ERAP1: variants seen among roughly 807,000 people sequenced by gnomAD.
The protein encoded by ERAP1 is endoplasmic reticulum aminopeptidase 1.
Under a neutral mutation model 103.7 loss-of-function variants are expected in ERAP1, and 86 were observed. The ratio of observed to expected loss-of-function variants is 0.83; its 90% CI spans 0.70 to 0.99. The LOEUF (loss-of-function observed/expected upper bound fraction) is 0.99, where lower values mean the gene tolerates loss of function less well. ERAP1 is among the 50% of genes least tolerant of loss of function. ERAP1 has a pLI of 0.00. For missense variants in ERAP1, 1,009 were observed against 1,128.4 expected, an observed-to-expected ratio of 0.89 and a Z score of 1.52; for synonymous variants, 398 against 402.4, an observed-to-expected ratio of 0.99 and a Z score of 0.13.
chr5:96,860,199 G>A, the ERAP1 span, among the ~76,000 whole-genome samples: 7 of 152,122 alleles, frequency 4.6e-5, no homozygotes, highest in East Asian at 1.9e-4. Context: ...GATTACAGGC[G>A]TGTGCCACTA....
At chr5:96,916,045 A>G in the ERAP1 span, among the ~76,000 whole-genome samples, 1 of 151,980 alleles carries the variant, frequency 6.6e-6, no homozygotes, top group Non-Finnish European at 1.5e-5. Context: ...ATATGGTGAA[A>G]CCCTGTCTCT....
chr5:96,820,537 A>C, the ERAP1 span, among the ~76,000 whole-genome samples: 8 of 152,176 alleles, frequency 5.3e-5, no homozygotes, highest in Admixed American at 4.6e-4. Context: ...AGTTTTCCTT[A>C]AACTGTTGAG....
At chr5:96,784,152 T>G in intron 13 of ERAP1, 72 bp from the exon 14 acceptor site, 1 of 1,482,452 alleles carries the variant, frequency 6.7e-7, no homozygotes. Flanking sequence ...TCAAAATATA[T>G]TTTAATCTTC....
At chr5:96,934,024 G>C in the ERAP1 span, 1 of 152,236 alleles carries the variant, frequency 6.6e-6, no homozygotes, top group East Asian at 1.9e-4. Flanking sequence ...ATTCAGTATG[G>C]AGTCATTAAC....
chr5:96,931,157 C>CT, the ERAP1 span, among the ~76,000 whole-genome samples: 1,177 of 142,800 alleles, frequency 8.2e-3, 5 homozygotes, highest in African/African-American at 0.025. Flanking sequence ...TCTGGGAAAT[C>CT]TTTTTTTTTT....
the ERAP1 span, chr5:96,889,271 G>A: frequency 6.2e-7 from 1 of 1,613,968 alleles, no homozygotes; most frequent in Non-Finnish European, 8.5e-7. Context: ...TTTATGAAAA[G>A]TACTTTGATA....
the ERAP1 span, among the ~76,000 whole-genome samples, chr5:96,916,779 T>TA: frequency 5.3e-5 from 8 of 150,142 alleles, no homozygotes; most frequent in Non-Finnish European, 1.2e-4. Context: ...TTTTTTTTTT[T>TA]AAAGCATTAT....
chr5:96,770,529 A>G, downstream of ERAP1: 1 of 1,608,540 alleles, frequency 6.2e-7, no homozygotes, highest in Non-Finnish European at 8.5e-7. Context: ...CCTTTGCTTT[A>G]GGATAAGTGC....
chr5:96,913,139 G>A, the ERAP1 span, among the ~76,000 whole-genome samples: 1 of 152,126 alleles, frequency 6.6e-6, no homozygotes, highest in South Asian at 2.1e-4. Flanking sequence ...TTTTTGATAG[G>A]AACAAAATAA....
At chr5:96,762,242 C>A in exon 20 of ERAP1, 1 of 1,416,450 alleles carries the variant, frequency 7.1e-7, no homozygotes, top group Admixed American at 1.8e-5. Context: ...TTATATACAA[C>A]ATGTTACTAA....
At chr5:96,886,733 G>C in the ERAP1 span, 1 of 1,541,268 alleles carries the variant, frequency 6.5e-7, no homozygotes. Flanking sequence ...ATACCTTGTA[G>C]CCTACATAGT....
intron 6 of ERAP1, 143 bp from the exon 7 acceptor site, chr5:96,793,656 T>C: frequency 9.3e-7 from 1 of 1,073,232 alleles, no homozygotes; most frequent in Non-Finnish European, 1.4e-6. Context: ...CAACATGCAT[T>C]ATAAGACATA....
At chr5:96,824,827 T>G in the ERAP1 span, among the ~76,000 whole-genome samples, 2 of 152,212 alleles carry the variant, frequency 1.3e-5, no homozygotes, top group African/African-American at 2.4e-5. Context: ...GGCAGGAGGA[T>G]CACTTCAGCC....
At chr5:96,770,234 C>T (rs533459473), downstream of ERAP1, 2 of 345,636 alleles carry the variant, frequency 5.8e-6, no homozygotes, top group East Asian at 1.1e-4. Flanking sequence ...CATTTATTAT[C>T]TATTGACAAG....
At chr5:96,915,642 G>A in the ERAP1 span, 1 of 1,142,672 alleles carries the variant, frequency 8.8e-7, no homozygotes, top group Non-Finnish European at 1.2e-6. Context: ...ATAAACATAA[G>A]GTCAGTATTT....
At chr5:96,818,951 C>T in the ERAP1 span, among the ~76,000 whole-genome samples, 12 of 146,052 alleles carry the variant, frequency 8.2e-5, no homozygotes, top group African/African-American at 2.5e-4. Context: ...TTTGAGACGG[C>T]GTCTCGCTCT....
the ERAP1 span, among the ~76,000 whole-genome samples, chr5:96,880,674 A>G: frequency 6.6e-6 from 1 of 150,850 alleles, no homozygotes. Flanking sequence ...GGTAACAGCC[A>G]TGACTCATAT....
At chr5:96,908,680 A>T in the ERAP1 span, among the ~76,000 whole-genome samples, 1 of 152,190 alleles carries the variant, frequency 6.6e-6, no homozygotes, top group Non-Finnish European at 1.5e-5. Flanking sequence ...CATTATTCTA[A>T]ATGCTTTTTA....
the ERAP1 span, among the ~76,000 whole-genome samples, chr5:96,931,826 G>A: frequency 2.0e-5 from 3 of 152,280 alleles, no homozygotes; most frequent in Middle Eastern, 3.4e-3. Flanking sequence ...CTCATATAGA[G>A]GACTGAAGAG....
Sources: gnomAD v4.1 joint callset for allele counts (sites outside exome capture counted in the v4.1 genomes callset) on GRCh38, gnomAD v4.1.1 for gene constraint, MANE v1.5 for transcripts, NCBI Gene and HGNC (gene_info 2026-07-23, HGNC 2026-07-21) for gene names.